Variants in BCKDHB observed in about 807,000 individuals in gnomAD.
The protein encoded by BCKDHB is branched chain keto acid dehydrogenase E1 subunit beta.
In BCKDHB, 41 loss-of-function variants were observed where a neutral mutation model predicts 48.5. The observed-to-expected ratio is 0.85, with a 90% CI of 0.66 to 1.10. BCKDHB has a LOEUF of 1.10. Ranked by LOEUF, BCKDHB falls within the 50% of genes least tolerant of loss-of-function variation. The pLI, the probability that BCKDHB is intolerant of heterozygous loss-of-function variation, is 0.00. For missense variants in BCKDHB, 496 were observed against 494.2 expected (o/e 1.00, Z -0.03); for synonymous variants, 201 against 174.8 (o/e 1.15, Z -1.18).
chr6:80,396,844 A>G, the BCKDHB span, among the ~76,000 whole-genome samples: 35 of 152,278 alleles, frequency 2.3e-4, no homozygotes, highest in East Asian at 6.0e-3. Context: ...GGAACTGTAA[A>G]TCAATTAAAC....
the BCKDHB span, among the ~76,000 whole-genome samples, chr6:80,360,549 G>C: frequency 6.6e-6 from 1 of 152,158 alleles, no homozygotes; most frequent in Non-Finnish European, 1.5e-5. Flanking sequence ...CTAAAACTAA[G>C]AGCCTTATGT....
the BCKDHB span, among the ~76,000 whole-genome samples, chr6:80,409,599 T>TG: frequency 1.8e-5 from 1 of 56,246 alleles, no homozygotes; most frequent in Non-Finnish European, 3.1e-5. Flanking sequence ...TATATATATA[T>TG]ATATATATAT....
the BCKDHB span, among the ~76,000 whole-genome samples, chr6:80,443,826 T>G: frequency 1.3e-5 from 2 of 152,072 alleles, no homozygotes; most frequent in African/African-American, 4.8e-5. Context: ...CATGTGATAG[T>G]TAATGTGAGT....
At chr6:80,119,762 A>G (rs543518495) in intron 1 of BCKDHB, among the ~76,000 whole-genome samples, 2 of 152,280 alleles carry the variant, frequency 1.3e-5, no homozygotes, top group Non-Finnish European at 2.9e-5. Flanking sequence ...TACAAAATGT[A>G]TTTCTTAAAT....
At chr6:80,171,907 C>CA (rs1363957958) in intron 6 of BCKDHB, among the ~76,000 whole-genome samples, 5 of 152,066 alleles carry the variant, frequency 3.3e-5, no homozygotes, top group African/African-American at 1.2e-4. Context: ...TATAAACATA[C>CA]ATCTGTGACT....
intron 8 of BCKDHB, among the ~76,000 whole-genome samples, chr6:80,221,706 C>A (rs16891547): frequency 0.036 from 5,421 of 151,688 alleles, 310 homozygotes; most frequent in African/African-American, 0.12. Flanking sequence ...TTTATAAGGC[C>A]CAATTTGAAC....
chr6:80,399,789 G>A, the BCKDHB span, among the ~76,000 whole-genome samples: 1 of 151,950 alleles, frequency 6.6e-6, no homozygotes, highest in Non-Finnish European at 1.5e-5. Flanking sequence ...AATAGCGAAG[G>A]CAATCCTAGC....
chr6:80,262,902 C>G (rs1251227527), intron 8 of BCKDHB, among the ~76,000 whole-genome samples: 11 of 152,082 alleles, frequency 7.2e-5, no homozygotes, highest in Admixed American at 7.2e-4. Flanking sequence ...AAACATGTTA[C>G]TGTTATAGTC....
At chr6:80,251,876 C>G (rs1198329163) in intron 8 of BCKDHB, 1 of 152,084 alleles carries the variant, frequency 6.6e-6, no homozygotes, top group Non-Finnish European at 1.5e-5. Context: ...GAGTTATTAA[C>G]CTATTGGACA....
At chr6:80,371,558 G>T in the BCKDHB span, among the ~76,000 whole-genome samples, 1 of 151,704 alleles carries the variant, frequency 6.6e-6, no homozygotes, top group Non-Finnish European at 1.5e-5. Context: ...GGAAGTCTTT[G>T]TCTCAAAGTC....
chr6:80,396,837 A>G, the BCKDHB span, among the ~76,000 whole-genome samples: 1 of 152,214 alleles, frequency 6.6e-6, no homozygotes, highest in Non-Finnish European at 1.5e-5. Flanking sequence ...GCCATGTGGA[A>G]CTGTAAATCA....
chr6:80,196,916 T>A (rs916142042), intron 6 of BCKDHB, among the ~76,000 whole-genome samples: 1 of 152,218 alleles, frequency 6.6e-6, no homozygotes, highest in Non-Finnish European at 1.5e-5. Flanking sequence ...AATTTTGGCC[T>A]TGAAAAGATT....
At chr6:80,342,940 A>T (rs181153219) in intron 9 of BCKDHB, among the ~76,000 whole-genome samples, 33 of 152,310 alleles carry the variant, frequency 2.2e-4, no homozygotes, top group Non-Finnish European at 4.1e-4. Flanking sequence ...AAGACAGATA[A>T]TTGGGCAACT....
At chr6:80,429,760 G>A in the BCKDHB span, among the ~76,000 whole-genome samples, 1 of 152,204 alleles carries the variant, frequency 6.6e-6, no homozygotes, top group Non-Finnish European at 1.5e-5. Flanking sequence ...ATCAGCTTAA[G>A]GAGATTTTGG....
the BCKDHB span, among the ~76,000 whole-genome samples, chr6:80,417,758 C>T: frequency 1.3e-5 from 2 of 148,334 alleles, no homozygotes; most frequent in South Asian, 4.1e-4. Flanking sequence ...CTCTAGTTGC[C>T]TTTAACATTT....
chr6:80,433,601 G>A, the BCKDHB span, among the ~76,000 whole-genome samples: 1 of 152,190 alleles, frequency 6.6e-6, no homozygotes, highest in Non-Finnish European at 1.5e-5. Flanking sequence ...GCTGTGCTCT[G>A]TGGGGGTGGG....
At chr6:80,212,494 C>T (rs1774984152) in intron 8 of BCKDHB, among the ~76,000 whole-genome samples, 1 of 152,174 alleles carries the variant, frequency 6.6e-6, no homozygotes. Context: ...CCCTTGTTCC[C>T]TAAAAATCAC....
At chr6:80,281,970 C>G (rs1302294803) in intron 9 of BCKDHB, among the ~76,000 whole-genome samples, 1 of 152,052 alleles carries the variant, frequency 6.6e-6, no homozygotes, top group African/African-American at 2.4e-5. Context: ...CAGACTCAAT[C>G]ATACTGTTAC....
At chr6:80,159,509 C>G (rs1374338996) in intron 3 of BCKDHB, among the ~76,000 whole-genome samples, 1 of 152,074 alleles carries the variant, frequency 6.6e-6, no homozygotes, top group Non-Finnish European at 1.5e-5. Flanking sequence ...AAGCATTTTT[C>G]TGGCCTGTCT....
Sources: allele counts gnomAD v4.1 joint callset (sites outside exome capture counted in the v4.1 genomes callset), GRCh38; gene constraint gnomAD v4.1.1; transcripts MANE v1.5; gene names NCBI Gene and HGNC (gene_info 2026-07-23, HGNC 2026-07-21).